Variants in ADAMDEC1 observed in about 807,000 individuals in gnomAD.
ADAMDEC1 encodes the protein ADAM like decysin 1, also known as ADAM DEC1.
Under a neutral mutation model 60.4 loss-of-function variants are expected in ADAMDEC1, and 62 were observed. The ratio of observed to expected loss-of-function variants is 1.03; its 90% CI spans 0.84 to 1.27. The LOEUF is 1.27. ADAMDEC1 is among the 50% of genes most tolerant of loss of function. ADAMDEC1 has a pLI of 0.00. For missense variants in ADAMDEC1, 595 were observed against 565.0 expected, an observed-to-expected ratio of 1.05 and a Z score of -0.54; for synonymous variants, 210 against 195.1, an observed-to-expected ratio of 1.08 and a Z score of -0.64.
chr8:24,392,121 GT>G lies in ADAMDEC1; in HGVS notation c.89-139del, dbSNP rs1817459697. On this transcript the variant is annotated intron_variant, in intron 1 of 13. Coordinates refer to ENST00000256412, the MANE Select transcript of ADAMDEC1 (RefSeq NM_014479.3). ...AAAGCTGAAGAACGACAATTAACTTGTTATTCATAATGTTTGCTCTCTACAT... is the reference window on the plus strand; with the variant it reads ...AAAGCTGAAGAACGACAATTAACTTGTATTCATAATGTTTGCTCTCTACAT... The G allele has an allele frequency of 1.2e-4, 58 of 492,956 alleles. 1 individual carries two copies. The South Asian group carries it at 2.5e-3, about 22-fold the overall frequency. The allele number at this position is 492,956 out of a possible 1,614,324, so 30.5% of individuals were successfully genotyped here.
chr8:24,391,887 A>C (rs1169255917), intron 1 of ADAMDEC1, among the ~76,000 whole-genome samples: 2 of 152,188 alleles, frequency 1.3e-5, no homozygotes, highest in Non-Finnish European at 2.9e-5. Context: ...ACAATTTTTA[A>C]GAAGACTCTA....
chr8:24,391,079 G>A (rs905169614), intron 1 of ADAMDEC1, among the ~76,000 whole-genome samples: 1 of 152,136 alleles, frequency 6.6e-6, no homozygotes, highest in Non-Finnish European at 1.5e-5. Flanking sequence ...TAGATTTCCT[G>A]TTTTAGTATG....
Position 24,399,407 on chromosome 8 carries a change from A to G in ADAMDEC1, c.944A>G (p.Asn315Ser), listed in dbSNP as rs1563356757. The G allele has an allele frequency of 1.2e-6, 2 of 1,613,950 alleles. No individual in the cohort carries two copies. The highest frequency in any genetic ancestry group is 2.2e-5 in the East Asian group (1 of 44,856). The change falls in exon 10 of 14, where the codon AAC becomes AGC. Residue 315 changes from asparagine to serine, a missense_variant. Asn to Ser is a conservative substitution (Grantham distance 46). Coordinates refer to ENST00000256412, the MANE Select transcript of ADAMDEC1 (RefSeq NM_014479.3). ...HAQLLSGISF[N>S]NRRVGLAASN... Reference sequence around the variant, plus strand: ...TTTTCATACAGCGGGATTAGCTTCAACAATCGACGTGTGGGACTGGCAGCT... The same window carrying G: ...TTTTCATACAGCGGGATTAGCTTCAGCAATCGACGTGTGGGACTGGCAGCT...
At chr8:24,399,190 G>A (rs1365631308) in intron 9 of ADAMDEC1, 150 bp downstream of exon 9, 5 of 1,019,896 alleles carry the variant, frequency 4.9e-6, no homozygotes, top group Non-Finnish European at 7.1e-6. Flanking sequence ...GACATTATTG[G>A]ATCAATAATC....
chr8:24,396,466 A>G (rs994363531), intron 5 of ADAMDEC1, among the ~76,000 whole-genome samples: 4 of 152,112 alleles, frequency 2.6e-5, no homozygotes, highest in Non-Finnish European at 4.4e-5. Context: ...GAGCCAAGAT[A>G]GCTCCACTGC....
intron 13 of ADAMDEC1, among the ~76,000 whole-genome samples, 191 bp from the exon 14 acceptor site, chr8:24,405,101 G>A (rs1009618917): frequency 1.3e-5 from 2 of 152,170 alleles, no homozygotes; most frequent in Non-Finnish European, 2.9e-5. Flanking sequence ...TCAGAAACTA[G>A]CTGTGGGACT....
At chr8:24,402,991 G>A (rs1333714692) in intron 12 of ADAMDEC1, among the ~76,000 whole-genome samples, 1 of 152,050 alleles carries the variant, frequency 6.6e-6, no homozygotes, top group African/African-American at 2.4e-5. Context: ...TTGGGTGGAA[G>A]ACAATTGAAG....
chr8:24,392,224 T>G (rs767482809), intron 1 of ADAMDEC1, 38 bp from the exon 2 acceptor site: 17 of 1,509,338 alleles, frequency 1.1e-5, no homozygotes, highest in Non-Finnish European at 1.5e-5. Context: ...ACCAAAACCT[T>G]TAAATCTTTT....
At chr8:24,385,211 G>A (rs146525921) in intron 1 of ADAMDEC1, among the ~76,000 whole-genome samples, 191 of 152,250 alleles carry the variant, frequency 1.3e-3, no homozygotes, top group Middle Eastern at 6.8e-3. Flanking sequence ...AAGCCAAGCT[G>A]TAAACCTACG....
At chr8:24,389,421 C>T (rs921189468) in intron 1 of ADAMDEC1, among the ~76,000 whole-genome samples, 7 of 152,152 alleles carry the variant, frequency 4.6e-5, no homozygotes, top group Non-Finnish European at 8.8e-5. Flanking sequence ...CACCTCACTG[C>T]TTCCACTGAT....
intron 1 of ADAMDEC1, 58 bp from the exon 2 acceptor site, chr8:24,392,204 C>T (rs958195133): frequency 7.5e-7 from 1 of 1,327,150 alleles, no homozygotes; most frequent in African/African-American, 1.5e-5. Flanking sequence ...CAAAACACAA[C>T]ACGACTAAAA....
chr8:24,400,318 TA>T lies in ADAMDEC1; in HGVS notation c.1142+22del. On this transcript the variant is annotated intron_variant, in intron 11 of 13. Coordinates refer to ENST00000256412, the MANE Select transcript of ADAMDEC1 (RefSeq NM_014479.3). ...TATCTGAGGTGAGACCTTGTCATCC[TA>T]AAAGGAGAGAGATATTTTCCAAATC... 6.3e-7 allele frequency: 1 copy of T among 1,579,496 alleles called. No homozygotes were observed. Among genetic ancestry groups the T allele is most frequent in the South Asian group, 1.2e-5 (1 of 83,596 alleles).
rs61731546 is a variant in ADAMDEC1, at chr8:24,392,292, C to T, written c.119C>T (p.Thr40Met). 1,250 of 1,611,016 alleles carry T rather than the reference C, an allele frequency of 7.8e-4. 6 individuals carry two copies. The African/African-American group carries it at 0.015, about 19-fold the overall frequency. ...AIAIKQTPELTLHEIVCPKKL... is the reference protein window; with the variant it reads ...AIAIKQTPELMLHEIVCPKKL... ...GCCATAAAGCAAACACCTGAATTAA[C>T]GCTCCATGAAATAGTTTGTCCTAAA... The change falls in exon 2 of 14, where the codon ACG becomes ATG. Residue 40 changes from threonine (T) to methionine (M), a missense_variant. Thr to Met is a moderately conservative substitution (Grantham distance 81). Coordinates refer to ENST00000256412, the MANE Select transcript of ADAMDEC1 (RefSeq NM_014479.3).
chr8:24,402,055 T>C lies in ADAMDEC1; in HGVS notation c.1283T>C (p.Leu428Pro). Residue 428 changes from leucine to proline, a missense_variant, in exon 12 of 14, where the codon CTA (leucine) becomes CCA (proline). By Grantham distance (98) the Leu-to-Pro change is moderately conservative (BLOSUM62 -3). Coordinates refer to ENST00000256412, the MANE Select transcript of ADAMDEC1 (RefSeq NM_014479.3). ...ACACCAGTGTGTGGGAACCACCTTC[T>C]AGAAGTGGGAGAAGACTGTGATTGT... ...MTTPVCGNHLLEVGEDCDCGS... is the reference protein window; with the variant it reads ...MTTPVCGNHLPEVGEDCDCGS... 1 of 1,612,750 alleles carries C rather than the reference T, an allele frequency of 6.2e-7. No individual in the cohort carries two copies. Among genetic ancestry groups the C allele is most frequent in the Non-Finnish European group, 8.5e-7 (1 of 1,179,084 alleles).
intron 8 of ADAMDEC1, 150 bp from the exon 9 acceptor site, chr8:24,398,724 C>T (rs1471593193): frequency 5.2e-6 from 5 of 956,712 alleles, no homozygotes; most frequent in Admixed American, 5.8e-5. Flanking sequence ...ACATGCATGG[C>T]AACAAAGACA....
chr8:24,405,357 AC>A lies in ADAMDEC1; in HGVS notation c.*60del, dbSNP rs1341039313. 1 of 1,588,986 alleles carries A rather than the reference AC, an allele frequency of 6.3e-7. No individual in the cohort carries two copies. The highest frequency in any genetic ancestry group is 8.6e-7 in the Non-Finnish European group (1 of 1,160,696). ...GCCAGGACAAGAACCAAGAACTCTA[AC>A]TGTCCCAGGAATCTTGTGAATTTTC... is the stretch of plus-strand genomic sequence containing the variant. On this transcript the variant is annotated 3_prime_UTR_variant, in exon 14 of 14. Transcript: ENST00000256412.
At chr8:24,403,882 A>G (rs1307040347) in intron 12 of ADAMDEC1, 121 bp from the exon 13 acceptor site, 2 of 677,460 alleles carry the variant, frequency 3.0e-6, no homozygotes, top group Admixed American at 3.2e-5. Context: ...GAATTTGCCT[A>G]TCAGAGTAAT....
rs1401953820 is a variant in ADAMDEC1 at position 24,405,630 on chromosome 8, T to G, written c.*332T>G. The stretch of plus-strand genomic sequence containing the variant: ...AATGCACGGCTAAACTATTCAGAGT[T>G]AACACTCCAGAATTGTTAAATTACA... On this transcript the variant is annotated 3_prime_UTR_variant, in exon 14 of 14. Transcript: ENST00000256412. 2 of 264,582 alleles carry G rather than the reference T, an allele frequency of 7.6e-6. No individual in the cohort carries two copies. The highest frequency in any genetic ancestry group is 1.4e-5 in the Non-Finnish European group (2 of 141,644). The allele number at this position is 264,582 out of a possible 1,614,324, so 16.4% of individuals were successfully genotyped here.
chr8:24,384,735 G>T, intron 1 of ADAMDEC1, 143 bp downstream of exon 1: 1 of 683,222 alleles, frequency 1.5e-6, no homozygotes, highest in Non-Finnish European at 2.4e-6. Flanking sequence ...CTACCTCTCT[G>T]CAAAAGCGAA....
Sources: allele counts gnomAD v4.1 joint callset (sites outside exome capture counted in the v4.1 genomes callset), GRCh38; gene constraint gnomAD v4.1.1; transcripts MANE v1.5; gene names NCBI Gene and HGNC (gene_info 2026-07-23, HGNC 2026-07-21).